The following ADGB variants were observed in gnomAD, a reference collection of about 807,000 sequenced individuals.
ADGB encodes the protein calpain-7-like protein.
In ADGB, 172 loss-of-function variants were observed where a neutral mutation model predicts 210.5. The observed-to-expected ratio is 0.82, with a 90% CI of 0.72 to 0.93. The LOEUF (loss-of-function observed/expected upper bound fraction) is 0.93, where lower values mean the gene tolerates loss of function less well. Ranked by LOEUF, ADGB falls within the 40% of genes least tolerant of loss-of-function variation. ADGB has a pLI of 0.00. For missense variants in ADGB, 2,025 were observed against 1,964.8 expected (o/e 1.03, Z -0.58); for synonymous variants, 658 against 662.7 (o/e 0.99, Z 0.11).
intron 17 of ADGB, among the ~76,000 whole-genome samples, chr6:146,723,578 A>G (rs1278009838): frequency 6.6e-6 from 1 of 152,026 alleles, no homozygotes; most frequent in Non-Finnish European, 1.5e-5. Context: ...CTCTACTAAA[A>G]ATACAAAAAT....
At chr6:146,671,109 T>C (rs930128836) in intron 7 of ADGB, among the ~76,000 whole-genome samples, 6 of 152,126 alleles carry the variant, frequency 3.9e-5, no homozygotes, top group African/African-American at 1.4e-4. Context: ...GAAAGGTAAA[T>C]AGGATCTAGA....
intron 13 of ADGB, among the ~76,000 whole-genome samples, chr6:146,704,325 G>C (rs1406732597): frequency 4.0e-5 from 6 of 150,794 alleles, no homozygotes; most frequent in Admixed American, 1.3e-4. Context: ...AATTCCTTCT[G>C]TCTGTTTGCA....
chr6:146,760,984 A>G (rs1373872440), intron 27 of ADGB, among the ~76,000 whole-genome samples: 1 of 151,942 alleles, frequency 6.6e-6, no homozygotes, highest in Non-Finnish European at 1.5e-5. Flanking sequence ...TATATTCTGT[A>G]TCTTCTGGAT....
At chr6:146,736,425 T>G in intron 22 of ADGB, 73 bp from the exon 23 acceptor site, 2 of 974,782 alleles carry the variant, frequency 2.1e-6, no homozygotes, top group South Asian at 3.8e-5. Flanking sequence ...TTTGTGAAAA[T>G]GAAGGCTTTG....
intron 1 of ADGB, among the ~76,000 whole-genome samples, chr6:146,613,752 A>T (rs1480625546): frequency 2.6e-5 from 4 of 152,126 alleles, no homozygotes; most frequent in African/African-American, 9.7e-5. Flanking sequence ...TGCATTCTTT[A>T]TTGTATTAAA....
At chr6:146,783,567 A>AATAT (rs1179378609) in intron 30 of ADGB, among the ~76,000 whole-genome samples, 1 of 152,236 alleles carries the variant, frequency 6.6e-6, no homozygotes. Context: ...AAAAGGAGGA[A>AATAT]ATAAAATAAT....
intron 20 of ADGB, among the ~76,000 whole-genome samples, chr6:146,731,357 CAA>C (rs35924429): frequency 3.5e-5 from 5 of 143,564 alleles, no homozygotes; most frequent in Non-Finnish European, 1.5e-5. Flanking sequence ...CACCATATGA[CAA>C]AAAAAAAAAA....
intron 1 of ADGB, among the ~76,000 whole-genome samples, chr6:146,629,508 G>A (rs1046689915): frequency 6.6e-5 from 10 of 152,184 alleles, no homozygotes; most frequent in African/African-American, 2.4e-4. Context: ...TTCAAGGAGG[G>A]AGCTGGAAGA....
chr6:146,798,145 A>G (rs1366644018), intron 33 of ADGB, among the ~76,000 whole-genome samples: 1 of 152,198 alleles, frequency 6.6e-6, no homozygotes, highest in East Asian at 1.9e-4. Flanking sequence ...ATTTGTTTCC[A>G]GATGATCTGC....
At chr6:146,796,348 A>G (rs554364950) in intron 33 of ADGB, among the ~76,000 whole-genome samples, 23 of 152,240 alleles carry the variant, frequency 1.5e-4, no homozygotes, top group East Asian at 1.2e-3. Flanking sequence ...AAAACAATCC[A>G]AAAATTCATT....
At chr6:146,738,438 C>CTTTTTTTTT (rs71031008) in intron 23 of ADGB, among the ~76,000 whole-genome samples, 26 of 71,390 alleles carry the variant, frequency 3.6e-4, no homozygotes, top group African/African-American at 1.2e-3. Flanking sequence ...CCCATTTCAT[C>CTTTTTTTTT]TTTTTTTTTT....
In ADGB at chr6:146,698,230, C is replaced by T. The variant is rs80181516; in HGVS notation, c.1578-2711C>T. 3.3e-4 allele frequency among the ~76,000 whole-genome samples: 50 copies of T among 152,270 alleles called. No homozygotes were observed. In the East Asian group the frequency reaches 6.0e-3, roughly 18 times the overall value. On this transcript the variant is annotated intron_variant, in intron 12 of 35. Transcript: ENST00000397944. ...CAAGTGTACATTCATTGTTTAAGAA[C>T]ATTTAAACATGTATTTTAAGCTTCA...
intron 19 of ADGB, among the ~76,000 whole-genome samples, chr6:146,726,919 G>A (rs530388358): frequency 3.3e-5 from 5 of 152,094 alleles, no homozygotes; most frequent in South Asian, 2.1e-4. Flanking sequence ...GATTTAGCAG[G>A]GAAGGAGTAG....
At chr6:146,784,949 C>T (rs1167978998) in intron 31 of ADGB, among the ~76,000 whole-genome samples, 155 bp downstream of exon 31, 1 of 152,140 alleles carries the variant, frequency 6.6e-6, no homozygotes, top group Non-Finnish European at 1.5e-5. Flanking sequence ...GTTAGGACCA[C>T]CTTTGGACAC....
At chr6:146,602,977 C>T (rs1780582162) in intron 1 of ADGB, among the ~76,000 whole-genome samples, 1 of 152,190 alleles carries the variant, frequency 6.6e-6, no homozygotes, top group South Asian at 2.1e-4. Context: ...TCACAGACAT[C>T]TGTCTTTTTG....
chr6:146,640,508 C>T (rs772666674), intron 2 of ADGB, among the ~76,000 whole-genome samples: 1 of 152,136 alleles, frequency 6.6e-6, no homozygotes, highest in African/African-American at 2.4e-5. Context: ...TGCAAAATTC[C>T]TCAACAAGAT....
chr6:146,741,208 C>T lies in ADGB; in HGVS notation c.3114C>T (p.Asp1038=). Residue 1038 remains aspartate (D), a synonymous_variant, in exon 25 of 36, where the codon GAC becomes GAT. Transcript: ENST00000397944. The part of the protein sequence containing the change: ...PICILHIVNN[D]TMEQVPKVFQ... ...GTATCCTACACATTGTTAATAATGACACAATGGAGCAAGTGCCAAAGGTGT... is the reference window on the plus strand; with the variant it reads ...GTATCCTACACATTGTTAATAATGATACAATGGAGCAAGTGCCAAAGGTGT... The T allele has an allele frequency of 6.4e-7, 1 of 1,550,788 alleles. No individual in the cohort carries two copies. Among genetic ancestry groups the T allele is most frequent in the Non-Finnish European group, 8.7e-7 (1 of 1,146,360 alleles).
intron 1 of ADGB, among the ~76,000 whole-genome samples, chr6:146,623,316 A>G (rs1780923470): frequency 1.3e-5 from 2 of 151,964 alleles, no homozygotes; most frequent in African/African-American, 4.8e-5. Context: ...ACATATGTAT[A>G]TGGTCTATCT....
intron 13 of ADGB, among the ~76,000 whole-genome samples, chr6:146,706,194 T>C (rs1357609823): frequency 6.6e-6 from 1 of 152,102 alleles, no homozygotes; most frequent in Non-Finnish European, 1.5e-5. Context: ...AGTTCTGTAA[T>C]TACAGGCATA....
Sources: allele counts gnomAD v4.1 joint callset (sites outside exome capture counted in the v4.1 genomes callset), GRCh38; gene constraint gnomAD v4.1.1; transcripts MANE v1.5; gene names NCBI Gene and HGNC (gene_info 2026-07-23, HGNC 2026-07-21).